Variants in TENM3 observed in about 807,000 individuals in gnomAD.
TENM3 encodes teneurin-3.
In TENM3, 63 loss-of-function variants were observed where a neutral mutation model predicts 255.1. The ratio of observed to expected loss-of-function variants is 0.25; its 90% CI spans 0.20 to 0.30. The LOEUF is 0.30. Among genes scored for constraint, TENM3 ranks in the 10% least tolerant of loss-of-function variants. The pLI is 1.00. For synonymous variants in TENM3, 1,306 were observed against 1,322.3 expected, an observed-to-expected ratio of 0.99 and a Z score of 0.27; for missense variants, 2,929 against 3,461.1, an observed-to-expected ratio of 0.85 and a Z score of 3.86.
At chr4:182,752,232 T>C (rs1191940240) in intron 20 of TENM3, among the ~76,000 whole-genome samples, 200 bp downstream of exon 20, 1 of 152,162 alleles carries the variant, frequency 6.6e-6, no homozygotes, top group African/African-American at 2.4e-5. Context: ...AACTTGGTTT[T>C]ACAGTAAATA....
chr4:182,591,607 G>A (rs1402259288), intron 3 of TENM3, among the ~76,000 whole-genome samples: 3 of 152,092 alleles, frequency 2.0e-5, no homozygotes, highest in African/African-American at 2.4e-5. Context: ...AGATATTTAC[G>A]GTGGTGAAAA....
At chr4:181,789,074 T>C in the TENM3 span, among the ~76,000 whole-genome samples, 195 of 152,234 alleles carry the variant, frequency 1.3e-3, 2 homozygotes, top group African/African-American at 4.4e-3. Context: ...AATATGAAAC[T>C]GACATGCTAG....
intron 1 of TENM3, among the ~76,000 whole-genome samples, chr4:182,235,857 G>C (rs912947120): frequency 1.3e-5 from 2 of 152,214 alleles, no homozygotes; most frequent in African/African-American, 4.8e-5. Context: ...CACCTACCAT[G>C]TGTAAGCACT....
intron 12 of TENM3, among the ~76,000 whole-genome samples, chr4:182,695,496 T>TGGGG (rs1013265922): frequency 6.6e-6 from 1 of 152,164 alleles, no homozygotes; most frequent in African/African-American, 2.4e-5. Context: ...GAATTTGATC[T>TGGGG]GGGGGTACAT....
intron 3 of TENM3, among the ~76,000 whole-genome samples, chr4:182,411,257 C>T (rs944306460): frequency 6.6e-6 from 1 of 152,168 alleles, no homozygotes; most frequent in African/African-American, 2.4e-5. Context: ...TAGTAACTAA[C>T]AAGATAACAA....
the TENM3 span, among the ~76,000 whole-genome samples, chr4:182,080,261 CT>C: frequency 6.6e-6 from 1 of 152,054 alleles, no homozygotes; most frequent in Non-Finnish European, 1.5e-5. Flanking sequence ...AATATCGTAC[CT>C]TGACTTCTTT....
chr4:182,161,829 A>ACATATATGTG (rs1491524974), intron 1 of TENM3, among the ~76,000 whole-genome samples: 3,804 of 23,498 alleles, frequency 0.16, 958 homozygotes, highest in East Asian at 0.67. Flanking sequence ...ATATATACAC[A>ACATATATGTG]TATATATGTG....
At chr4:182,542,512 G>T (rs1740983346) in intron 3 of TENM3, among the ~76,000 whole-genome samples, 1 of 152,032 alleles carries the variant, frequency 6.6e-6, no homozygotes, top group Admixed American at 6.5e-5. Context: ...AGGCAGGCAG[G>T]TTTCTTTGTG....
chr4:181,996,330 AG>A, the TENM3 span, among the ~76,000 whole-genome samples: 1 of 152,158 alleles, frequency 6.6e-6, no homozygotes, highest in Non-Finnish European at 1.5e-5. Flanking sequence ...AGGAGAGTTC[AG>A]GAAACCTCTG....
At chr4:182,770,567 A>C (rs1579431545) in intron 22 of TENM3, among the ~76,000 whole-genome samples, 2 of 152,224 alleles carry the variant, frequency 1.3e-5, no homozygotes, top group South Asian at 4.1e-4. Flanking sequence ...AAATAAGCAG[A>C]GAATCTGCCC....
At chr4:181,763,633 G>A in the TENM3 span, among the ~76,000 whole-genome samples, 4 of 152,078 alleles carry the variant, frequency 2.6e-5, no homozygotes, top group East Asian at 1.9e-4. Context: ...TTACTGCTAC[G>A]TCTTCAGAGT....
intron 3 of TENM3, among the ~76,000 whole-genome samples, chr4:182,453,354 C>T (rs560720602): frequency 2.6e-5 from 4 of 152,144 alleles, no homozygotes; most frequent in South Asian, 4.2e-4. Flanking sequence ...GAAAAGTACA[C>T]GCAAATATTT....
At chr4:181,554,113 T>G in the TENM3 span, among the ~76,000 whole-genome samples, 2 of 152,118 alleles carry the variant, frequency 1.3e-5, no homozygotes, top group Non-Finnish European at 2.9e-5. Flanking sequence ...AGTAGAACAG[T>G]ACCATGGAAA....
At chr4:181,912,525 T>C in the TENM3 span, among the ~76,000 whole-genome samples, 1 of 152,060 alleles carries the variant, frequency 6.6e-6, no homozygotes, top group Non-Finnish European at 1.5e-5. Context: ...TGGTGGCTCA[T>C]GCTTGTAATC....
chr4:181,720,376 T>G, the TENM3 span, among the ~76,000 whole-genome samples: 2 of 152,230 alleles, frequency 1.3e-5, no homozygotes, highest in East Asian at 3.9e-4. Flanking sequence ...TTTTATTTCA[T>G]GTATCCTTAC....
intron 13 of TENM3, among the ~76,000 whole-genome samples, chr4:182,721,637 G>T (rs909912421): frequency 6.6e-6 from 1 of 151,938 alleles, no homozygotes; most frequent in Non-Finnish European, 1.5e-5. Flanking sequence ...TGGTTCAAAA[G>T]GTATTTTAAT....
intron 3 of TENM3, among the ~76,000 whole-genome samples, chr4:182,390,874 G>A (rs1025749814): frequency 2.0e-5 from 3 of 152,008 alleles, no homozygotes; most frequent in Non-Finnish European, 4.4e-5. Context: ...GTTAACTTTT[G>A]CCCAATCTGG....
the TENM3 span, among the ~76,000 whole-genome samples, chr4:181,499,791 G>A: frequency 6.6e-6 from 1 of 152,280 alleles, no homozygotes; most frequent in East Asian, 1.9e-4. Context: ...AGACACTCGG[G>A]TGTTTCCTGT....
chr4:182,056,750 G>A, the TENM3 span, among the ~76,000 whole-genome samples: 1 of 151,982 alleles, frequency 6.6e-6, no homozygotes, highest in African/African-American at 2.4e-5. Context: ...TTAATTCTTA[G>A]TAGTACAGAA....
Sources: allele counts gnomAD v4.1 joint callset (sites outside exome capture counted in the v4.1 genomes callset), GRCh38; gene constraint gnomAD v4.1.1; transcripts MANE v1.5; gene names NCBI Gene and HGNC (gene_info 2026-07-23, HGNC 2026-07-21).